The following KIAA1549L variants were observed in gnomAD, a reference collection of about 807,000 sequenced individuals.
KIAA1549L encodes KIAA1549 like.
A neutral mutation model predicts 160.7 loss-of-function variants in KIAA1549L; 88 were observed. The observed-to-expected ratio is 0.55, with a 90% CI of 0.46 to 0.65. KIAA1549L has a LOEUF of 0.65. KIAA1549L is among the 30% of genes least tolerant of loss of function. KIAA1549L has a pLI of 0.00. For synonymous variants in KIAA1549L, 950 were observed against 976.7 expected, an observed-to-expected ratio of 0.97 and a Z score of 0.51; for missense variants, 2,258 against 2,437.5, an observed-to-expected ratio of 0.93 and a Z score of 1.55.
At chr11:33,484,656 A>G (rs1297210606) in intron 1 of KIAA1549L, among the ~76,000 whole-genome samples, 1 of 152,084 alleles carries the variant, frequency 6.6e-6, no homozygotes, top group Non-Finnish European at 1.5e-5. Flanking sequence ...AGCATCCCAT[A>G]AGTATTAGCT....
chr11:33,464,474 ATGTGTGTG>A lies in KIAA1549L; in HGVS notation c.239-77297_239-77290del, dbSNP rs3038997. Reference sequence around the variant, plus strand: ...CAAATGCCTGCAGAGCTGTGTGTGCATGTGTGTGTGTGTGTGTGTGTGTGTGTGTGTGT... The same window carrying A: ...CAAATGCCTGCAGAGCTGTGTGTGCATGTGTGTGTGTGTGTGTGTGTGTGT... On this transcript the variant is annotated intron_variant, in intron 1 of 20. Transcript: ENST00000658780. Among the ~76,000 whole-genome samples, 528 of 140,194 alleles carry A rather than the reference ATGTGTGTG, an allele frequency of 3.8e-3. 2 individuals are homozygous for A. The highest frequency in any genetic ancestry group is 9.3e-3 in the African/African-American group (350 of 37,834). 92.0% of individuals were successfully genotyped at this position (140,194 alleles called of 152,430 possible). A position where few individuals can be genotyped will look rare whatever the true frequency, so the allele number is the denominator to read the frequency against.
At chr11:33,526,964 A>G (rs147446269) in intron 1 of KIAA1549L, among the ~76,000 whole-genome samples, 66 of 152,340 alleles carry the variant, frequency 4.3e-4, no homozygotes, top group Non-Finnish European at 6.0e-4. Flanking sequence ...AGAAAAGACA[A>G]TCATAACTTT....
chr11:33,460,299 G>C (rs1215936234), intron 1 of KIAA1549L, among the ~76,000 whole-genome samples: 1 of 152,076 alleles, frequency 6.6e-6, no homozygotes, highest in African/African-American at 2.4e-5. Context: ...ATTGAGGTGT[G>C]GTGGGGGCCA....
intron 1 of KIAA1549L, among the ~76,000 whole-genome samples, chr11:33,531,209 C>T (rs544306888): frequency 1.2e-4 from 19 of 152,124 alleles, no homozygotes; most frequent in Non-Finnish European, 2.2e-4. Flanking sequence ...TGCGGTGGCT[C>T]ACGCCTGTAA....
chr11:33,543,469 C>T lies in KIAA1549L; in HGVS notation c.1906C>T (p.Gln636Ter). The change falls in exon 2 of 21, where the codon CAG becomes TAG. Residue 636 changes from glutamine (Q) to a stop codon, truncating the protein, a stop_gained. Transcript: ENST00000658780. LOFTEE classifies it high-confidence loss of function. ...TTCCATACTCTCCATACAAGCCACC[C>T]AGACTGTTTTCCCATCTCTTGGCTT... ...LPSILSIQATQTVFPSLGFSS... is the reference protein window; with the variant it reads ...LPSILSIQAT 1 of 1,614,068 alleles carries T rather than the reference C, an allele frequency of 6.2e-7. No individual in the cohort carries two copies. Among genetic ancestry groups the T allele is most frequent in the East Asian group, 2.2e-5 (1 of 44,880 alleles).
intron 1 of KIAA1549L, among the ~76,000 whole-genome samples, chr11:33,447,393 A>G (rs1400110519): frequency 6.6e-6 from 1 of 152,150 alleles, no homozygotes; most frequent in East Asian, 1.9e-4. Context: ...AAATGAATGA[A>G]AACTATTTCA....
chr11:33,670,578 G>T lies in KIAA1549L; in HGVS notation c.*2424G>T, dbSNP rs977957400. ...GTTGGAAAGAAATCAGTCTGTTCAT[G>T]TTATCCCACTCATGGGGAGACAGAG... On this transcript the variant is annotated 3_prime_UTR_variant, in exon 21 of 21. Coordinates refer to ENST00000658780, the MANE Select transcript of KIAA1549L (RefSeq NM_012194.3). 1.3e-5 allele frequency: 2 copies of T among 152,232 alleles called. No homozygotes were observed. Among genetic ancestry groups the T allele is most frequent in the Admixed American group, 1.3e-4 (2 of 15,282 alleles). 9.4% of individuals were successfully genotyped at this position (152,232 alleles called of 1,614,324 possible).
In KIAA1549L at chr11:33,565,366, G is replaced by A. The variant is rs77785251; in HGVS notation, c.4079-2710G>A. On this transcript the variant is annotated intron_variant, in intron 8 of 20. Coordinates refer to ENST00000658780, the MANE Select transcript of KIAA1549L (RefSeq NM_012194.3). ...ACAACAGCAGCTACCATTTATTGCC[G>A]TTCCCTCAAGGGCCTTATGATAGTA... is the stretch of plus-strand genomic sequence containing the variant. Among the ~76,000 whole-genome samples, 1,219 of 152,226 alleles carry A rather than the reference G, an allele frequency of 8.0e-3. 13 individuals carry two copies. The highest frequency in any genetic ancestry group is 0.028 in the African/African-American group (1,164 of 41,518).
chr11:33,454,200 AC>A (rs1193852266), intron 1 of KIAA1549L, among the ~76,000 whole-genome samples: 1 of 152,160 alleles, frequency 6.6e-6, no homozygotes, highest in East Asian at 1.9e-4. Flanking sequence ...CAGCATTAAA[AC>A]CAGAATTTAC....
intron 1 of KIAA1549L, among the ~76,000 whole-genome samples, chr11:33,435,759 G>GAGATAT (rs1429879805): frequency 0.031 from 455 of 14,908 alleles, 97 homozygotes; most frequent in East Asian, 0.064. Flanking sequence ...GAACCAATAA[G>GAGATAT]ATATATATAT....
At position 33,574,720 on chromosome 11, in the gene KIAA1549L, GTC is replaced by G; in HGVS notation, c.4250_4251del (p.Val1417AlafsTer33). 6.2e-7 allele frequency: 1 copy of G among 1,611,746 alleles called. No homozygotes were observed. The highest frequency in any genetic ancestry group is 8.5e-7 in the Non-Finnish European group (1 of 1,178,648). The part of the protein sequence containing the change: ...YTVQMVKMQR[V>X]PGPKDPAELT... ...CCGAAAGATGGTGAAGATGCAGCGTGTCCCAGGCCCGAAGGACCCAGCGGAGC... is the reference window on the plus strand; with the variant it reads ...CCGAAAGATGGTGAAGATGCAGCGTGCCAGGCCCGAAGGACCCAGCGGAGC... On this transcript the variant is annotated frameshift_variant, in exon 10 of 21. Coordinates refer to ENST00000658780, the MANE Select transcript of KIAA1549L (RefSeq NM_012194.3). LOFTEE classifies it high-confidence loss of function.
At chr11:33,583,656 C>T (rs1482574905) in intron 11 of KIAA1549L, among the ~76,000 whole-genome samples, 155 bp downstream of exon 11, 2 of 152,180 alleles carry the variant, frequency 1.3e-5, no homozygotes, top group Non-Finnish European at 2.9e-5. Flanking sequence ...GTCTCAGGAC[C>T]TGATGGTTTG....
intron 1 of KIAA1549L, among the ~76,000 whole-genome samples, chr11:33,437,517 T>C (rs1161694718): frequency 6.6e-6 from 1 of 152,204 alleles, no homozygotes; most frequent in African/African-American, 2.4e-5. Context: ...TTGAGACACA[T>C]TGTGTTATCT....
At chr11:33,512,824 G>A (rs1020188778) in intron 1 of KIAA1549L, among the ~76,000 whole-genome samples, 3 of 152,152 alleles carry the variant, frequency 2.0e-5, no homozygotes, top group African/African-American at 4.8e-5. Flanking sequence ...ACTGAGGCAC[G>A]GAGAAAAGCA....
At chr11:33,528,930 A>T (rs916302620) in intron 1 of KIAA1549L, among the ~76,000 whole-genome samples, 1 of 152,238 alleles carries the variant, frequency 6.6e-6, no homozygotes, top group Non-Finnish European at 1.5e-5. Flanking sequence ...GAACTTTTCC[A>T]TACAACCAAA....
At chr11:33,663,970 G>A (rs1385766715) in intron 20 of KIAA1549L, among the ~76,000 whole-genome samples, 2 of 152,158 alleles carry the variant, frequency 1.3e-5, no homozygotes, top group African/African-American at 2.4e-5. Context: ...TCTGAAATAC[G>A]TACCCCATGT....
chr11:33,515,542 G>T (rs1853324738), intron 1 of KIAA1549L, among the ~76,000 whole-genome samples: 2 of 152,238 alleles, frequency 1.3e-5, no homozygotes, highest in African/African-American at 4.8e-5. Context: ...TGGGGGAGAT[G>T]ACACAAGTAG....
chr11:33,464,832 G>T (rs1206376963), intron 1 of KIAA1549L, among the ~76,000 whole-genome samples: 2 of 151,944 alleles, frequency 1.3e-5, no homozygotes, highest in South Asian at 4.2e-4. Context: ...ACCTCCTTGT[G>T]CTTGATTCAG....
chr11:33,543,858 T>G lies in KIAA1549L; in HGVS notation c.2295T>G (p.His765Gln). The change falls in exon 2 of 21, where the codon CAT becomes CAG. Residue 765 changes from histidine to glutamine, a missense_variant. Around this residue, in one of 6 missense-constraint regions of KIAA1549L, gnomAD observed 287 missense variants for 292.3 expected, o/e 0.98. Transcript: ENST00000658780. ...AGGATTTCAAAGATACTGCTGGGCA[T>G]TCAGTGACTGCAGAAGGGTTTAGTA... ...KSQDFKDTAG[H>Q]SVTAEGFSIQ... 6.2e-7 allele frequency: 1 copy of G among 1,614,058 alleles called. No homozygotes were observed. Among genetic ancestry groups the G allele is most frequent in the Non-Finnish European group, 8.5e-7 (1 of 1,179,898 alleles).
Sources: gnomAD v4.1 joint callset for allele counts (sites outside exome capture counted in the v4.1 genomes callset) on GRCh38, gnomAD v4.1.1 for gene constraint, gnomAD v4.1.1 regional missense constraint, MANE v1.5 for transcripts, NCBI Gene and HGNC (gene_info 2026-07-23, HGNC 2026-07-21) for gene names.